TAF15: variants seen among roughly 807,000 people sequenced by gnomAD.
The protein encoded by TAF15 is TATA-binding protein-associated factor 2N.
Under a neutral mutation model 102.5 loss-of-function variants are expected in TAF15, and 37 were observed. The ratio of observed to expected loss-of-function variants is 0.36; its 90% CI spans 0.28 to 0.47. The LOEUF is 0.47. Ranked by LOEUF, TAF15 falls within the 20% of genes least tolerant of loss-of-function variation. The pLI, the probability that TAF15 is intolerant of heterozygous loss-of-function variation, is 0.99. For synonymous variants in TAF15, 273 were observed against 259.2 expected, an observed-to-expected ratio of 1.05 and a Z score of -0.51; for missense variants, 652 against 760.7, an observed-to-expected ratio of 0.86 and a Z score of 1.68.
At chr17:35,813,957 A>G (rs1298951714) in intron 1 of TAF15, among the ~76,000 whole-genome samples, 1 of 152,072 alleles carries the variant, frequency 6.6e-6, no homozygotes, top group Non-Finnish European at 1.5e-5. Flanking sequence ...GAGAGAAAGT[A>G]ACCATTGACT....
intron 12 of TAF15, among the ~76,000 whole-genome samples, 170 bp downstream of exon 12, chr17:35,842,629 G>A (rs571077178): frequency 4.1e-4 from 62 of 152,214 alleles, no homozygotes; most frequent in Non-Finnish European, 3.7e-4. Flanking sequence ...ATGAGATATC[G>A]TAATAGCTAA....
At chr17:35,836,097 A>G in intron 9 of TAF15, 35 bp from the exon 10 acceptor site, 1 of 1,362,650 alleles carries the variant, frequency 7.3e-7, no homozygotes, top group Non-Finnish European at 1.1e-6. Context: ...TAACCAAGGA[A>G]TATGTAAAAT....
At chr17:35,846,430 A>C (rs1013742173) in intron 15 of TAF15, among the ~76,000 whole-genome samples, 3 of 152,230 alleles carry the variant, frequency 2.0e-5, no homozygotes, top group African/African-American at 7.2e-5. Context: ...TATGGCCAAT[A>C]CTGTAAAGTG....
chr17:35,819,671 G>A lies in TAF15; in HGVS notation c.48-353G>A, dbSNP rs573189419. On this transcript the variant is annotated intron_variant, in intron 2 of 15. Coordinates refer to ENST00000605844, the MANE Select transcript of TAF15 (RefSeq NM_139215.3). Reference sequence around the variant, plus strand: ...TTTTTTGTGTAGTCATCATTTTTGTGCTTCAGGTATTTATTATAAGTCTTG... The same window carrying A: ...TTTTTTGTGTAGTCATCATTTTTGTACTTCAGGTATTTATTATAAGTCTTG... Among the ~76,000 whole-genome samples, 95 of 152,234 alleles carry A rather than the reference G, an allele frequency of 6.2e-4. 1 individual carries two copies. Among genetic ancestry groups the A allele is most frequent in the Middle Eastern group, 6.8e-3 (2 of 294 alleles).
chr17:35,819,956 G>A, intron 2 of TAF15, 68 bp from the exon 3 acceptor site: 2 of 1,388,746 alleles, frequency 1.4e-6, no homozygotes, highest in Non-Finnish European at 1.0e-6. Flanking sequence ...GAAAATGAAG[G>A]CAAGGTCTTC....
intron 11 of TAF15, among the ~76,000 whole-genome samples, chr17:35,840,875 T>A (rs1598549463): frequency 1.3e-5 from 2 of 150,060 alleles, no homozygotes. Flanking sequence ...AAAAAAAAAA[T>A]GAAATTGTAG....
At chr17:35,819,804 T>C (rs556889394) in intron 2 of TAF15, among the ~76,000 whole-genome samples, 1 of 152,226 alleles carries the variant, frequency 6.6e-6, no homozygotes, top group Non-Finnish European at 1.5e-5. Context: ...AAACTTTGGG[T>C]ATTTGTTTCC....
At position 35,813,946 on chromosome 17, in the gene TAF15, A is replaced by G. The variant is rs554848679; in HGVS notation, c.8-3770A>G. Reference sequence around the variant, plus strand: ...ATAATGAAATTATCCATTAGAGTTTAGAGAGAAAGTAACCATTGACTTTGA... The same window carrying G: ...ATAATGAAATTATCCATTAGAGTTTGGAGAGAAAGTAACCATTGACTTTGA... On this transcript the variant is annotated intron_variant, in intron 1 of 15. Transcript: ENST00000605844. Among the ~76,000 whole-genome samples, 4 of 152,280 alleles carry G rather than the reference A, an allele frequency of 2.6e-5. No individual in the cohort carries two copies. In the East Asian group the frequency reaches 7.7e-4, roughly 29 times the overall value.
chr17:35,838,872 G>A (rs1256528323), intron 11 of TAF15, among the ~76,000 whole-genome samples: 1 of 152,108 alleles, frequency 6.6e-6, no homozygotes, highest in East Asian at 1.9e-4. Flanking sequence ...TTGTTACATG[G>A]ATATATTGCA....
chr17:35,829,751 A>G (rs2087379742), intron 7 of TAF15, among the ~76,000 whole-genome samples: 1 of 151,664 alleles, frequency 6.6e-6, no homozygotes, highest in African/African-American at 2.4e-5. Flanking sequence ...CGAAATATGT[A>G]CTGCTGTAAC....
intron 2 of TAF15, among the ~76,000 whole-genome samples, 191 bp downstream of exon 2, chr17:35,817,946 A>G (rs1458161406): frequency 1.3e-5 from 2 of 152,164 alleles, no homozygotes; most frequent in Non-Finnish European, 2.9e-5. Flanking sequence ...GTTTTGAGAC[A>G]GAGTCTTGCT....
In TAF15 at chr17:35,844,376, A is replaced by T. The variant is rs1356531791; in HGVS notation, c.1177+8A>T. On this transcript the variant is annotated splice_region_variant and intron_variant, in intron 14 of 15. Transcript: ENST00000605844. ...CTCGTCCCTCAGGAGGAGGTGGGTC[A>T]GCCTTTTAATAGCATCTGCATCGTG... is the stretch of plus-strand genomic sequence containing the variant. 6.2e-7 allele frequency: 1 copy of T among 1,613,980 alleles called. No individual in the cohort carries two copies.
intron 10 of TAF15, among the ~76,000 whole-genome samples, chr17:35,837,467 G>A (rs925217451): frequency 4.0e-5 from 6 of 151,168 alleles, no homozygotes; most frequent in African/African-American, 1.2e-4. Context: ...TAAATTCACA[G>A]AGTTTTGAAA....
intron 1 of TAF15, among the ~76,000 whole-genome samples, chr17:35,813,548 A>G (rs1350687189): frequency 6.6e-6 from 1 of 151,290 alleles, no homozygotes; most frequent in East Asian, 1.9e-4. Flanking sequence ...AAGTGGGAGG[A>G]TTGCTTGAGC....
Position 35,844,817 on chromosome 17 carries a change from A to G in TAF15, c.1518A>G (p.Gly506=). The part of the protein sequence containing the change: ...GDRGGYGGDR[G]GYGGDRGGYG... ...GAGGAGGCTATGGAGGAGATCGAGG[A>G]GGTTACGGAGGAGATCGAGGAGGTT... The change falls in exon 15 of 16, where the codon GGA becomes GGG. Residue 506 remains glycine, a synonymous_variant. Coordinates refer to ENST00000605844, the MANE Select transcript of TAF15 (RefSeq NM_139215.3). 2 of 1,594,322 alleles carry G rather than the reference A, an allele frequency of 1.3e-6. No homozygotes were observed. The highest frequency in any genetic ancestry group is 1.7e-6 in the Non-Finnish European group (2 of 1,165,974).
At chr17:35,830,971 T>C (rs191372164) in intron 7 of TAF15, among the ~76,000 whole-genome samples, 46 of 152,310 alleles carry the variant, frequency 3.0e-4, no homozygotes, top group African/African-American at 1.1e-3. Flanking sequence ...ATTTTCAAGA[T>C]TGATTAGTTA....
intron 1 of TAF15, among the ~76,000 whole-genome samples, chr17:35,815,692 G>C (rs1000260048): frequency 6.6e-6 from 1 of 152,134 alleles, no homozygotes; most frequent in Non-Finnish European, 1.5e-5. Context: ...CAAATACCTT[G>C]TTTTACTCAT....
intron 5 of TAF15, among the ~76,000 whole-genome samples, chr17:35,822,395 T>C (rs891049438): frequency 6.6e-6 from 1 of 152,142 alleles, no homozygotes; most frequent in African/African-American, 2.4e-5. Context: ...CATAGTAATT[T>C]TTTGCTTTAC....
Position 35,847,003 on chromosome 17 carries a change from T to C in TAF15, c.*58T>C. On this transcript the variant is annotated 3_prime_UTR_variant, in exon 16 of 16. Transcript: ENST00000605844. The stretch of plus-strand genomic sequence containing the variant: ...TGATCCATAGTGAAATTGCCAGAGT[T>C]TTGCCTGCTGCTTTCCTCGTGGCCT... 6.3e-7 allele frequency: 1 copy of C among 1,598,060 alleles called. No homozygotes were observed. Among genetic ancestry groups the C allele is most frequent in the South Asian group, 1.1e-5 (1 of 90,744 alleles).
Sources: allele counts gnomAD v4.1 joint callset (sites outside exome capture counted in the v4.1 genomes callset), GRCh38; gene constraint gnomAD v4.1.1; transcripts MANE v1.5; gene names NCBI Gene and HGNC (gene_info 2026-07-23, HGNC 2026-07-21).